Variants in GC observed in about 807,000 individuals in gnomAD.
GC encodes GC vitamin D binding protein, also known as vitamin D-binding protein.
GC carries 43 observed loss-of-function variants against 56.7 expected under a neutral mutation model. That is an observed-to-expected ratio of 0.76 (90% confidence interval 0.59 to 0.98). GC has a LOEUF of 0.98. GC is among the 50% of genes least tolerant of loss of function. The pLI, the probability that GC is intolerant of heterozygous loss-of-function variation, is 0.00. For synonymous variants in GC, 216 were observed against 202.7 expected (o/e 1.07, Z -0.56); for missense variants, 529 against 545.9 (o/e 0.97, Z 0.31).
chr4:71,793,862 T>C (rs889121555), intron 1 of GC, among the ~76,000 whole-genome samples: 2 of 152,232 alleles, frequency 1.3e-5, no homozygotes, highest in African/African-American at 4.8e-5. Flanking sequence ...GTTTTTAGCA[T>C]GAAGGGCTGT....
At chr4:71,802,602 A>C (rs762250486) in intron 1 of GC, among the ~76,000 whole-genome samples, 2 of 152,204 alleles carry the variant, frequency 1.3e-5, no homozygotes, top group Non-Finnish European at 2.9e-5. Context: ...GCCCATCCTA[A>C]AGTTGAAAAG....
chr4:71,761,803 C>T (rs1383342391), intron 6 of GC, among the ~76,000 whole-genome samples: 1 of 152,156 alleles, frequency 6.6e-6, no homozygotes, highest in East Asian at 1.9e-4. Flanking sequence ...TGGTGTTGAG[C>T]CTGCGGATGC....
At chr4:71,775,099 G>T (rs1343051936) in intron 1 of GC, among the ~76,000 whole-genome samples, 2 of 149,748 alleles carry the variant, frequency 1.3e-5, no homozygotes, top group Non-Finnish European at 1.5e-5. Context: ...AAGGTGAGCA[G>T]ATTGGTTGAA....
chr4:71,754,895 G>A, intron 9 of GC, 83 bp downstream of exon 9: 2 of 833,088 alleles, frequency 2.4e-6, no homozygotes, highest in Non-Finnish European at 1.8e-6. Context: ...AAAAAAGTAG[G>A]CAGTGAGCAA....
At chr4:71,788,219 A>G (rs545570258), upstream of GC, among the ~76,000 whole-genome samples, 26 of 152,048 alleles carry the variant, frequency 1.7e-4, 1 homozygote, top group South Asian at 3.7e-3. Flanking sequence ...AAATCCAGGT[A>G]TAATTTGAGT....
intron 1 of GC, among the ~76,000 whole-genome samples, chr4:71,773,102 T>C (rs141177628): frequency 1.3e-4 from 20 of 152,182 alleles, no homozygotes; most frequent in African/African-American, 4.1e-4. Flanking sequence ...AACTGTAAAA[T>C]TATACGCTCT....
chr4:71,748,717 G>A (rs2149293418), intron 11 of GC, among the ~76,000 whole-genome samples: 1 of 152,208 alleles, frequency 6.6e-6, no homozygotes, highest in Non-Finnish European at 1.5e-5. Context: ...GACATTGATT[G>A]TTCTATTTCC....
intron 6 of GC, among the ~76,000 whole-genome samples, chr4:71,760,251 A>T (rs796674710): frequency 3.4e-5 from 5 of 149,168 alleles, no homozygotes; most frequent in African/African-American, 9.9e-5. Flanking sequence ...ACGGGGTTTC[A>T]TCGTGTTAGC....
At position 71,783,140 on chromosome 4, in the gene GC, G is replaced by A. The variant is rs151055228; in HGVS notation, c.58+821C>T. Reference sequence around the variant, plus strand: ...ATTACTATTATGAATAATAATGTACGAATTAGGTGAGGCTGTTAACTGACA... The same window carrying A: ...ATTACTATTATGAATAATAATGTACAAATTAGGTGAGGCTGTTAACTGACA... On this transcript the variant is annotated intron_variant, in intron 1 of 12. Coordinates refer to ENST00000273951, the MANE Select transcript of GC (RefSeq NM_000583.4). Among the ~76,000 whole-genome samples, 647 of 151,816 alleles carry A rather than the reference G, an allele frequency of 4.3e-3. 2 individuals carry two copies. Among genetic ancestry groups the A allele is most frequent in the Non-Finnish European group, 7.5e-3 (507 of 67,792 alleles).
intron 1 of GC, among the ~76,000 whole-genome samples, chr4:71,794,722 C>T (rs1173420976): frequency 2.6e-5 from 4 of 152,006 alleles, no homozygotes; most frequent in African/African-American, 4.8e-5. Context: ...TTTGCTCTTG[C>T]TTCTCTAGTT....
chr4:71,791,930 CT>C (rs1742979112), intron 1 of GC, among the ~76,000 whole-genome samples: 2 of 152,222 alleles, frequency 1.3e-5, no homozygotes, highest in South Asian at 4.1e-4. Flanking sequence ...CTTTTCTGTC[CT>C]TGTGATAGTT....
At position 71,767,608 on chromosome 4, in the gene GC, G is replaced by GATAT. The variant is rs201548231; in HGVS notation, c.261+689_261+692dup. On this transcript the variant is annotated intron_variant, in intron 3 of 12. Transcript: ENST00000273951. Reference sequence around the variant, plus strand: ...AATTCTTTCAAGAGGTTCATGAGCTGATATATATATATATATTAAATTATA... The same window carrying GATAT: ...AATTCTTTCAAGAGGTTCATGAGCTGATATATATATATATATATATTAAATTATA... Among the ~76,000 whole-genome samples the GATAT allele has an allele frequency of 3.6e-3, 530 of 145,988 alleles. 3 individuals are homozygous for GATAT. The highest frequency in any genetic ancestry group is 0.011 in the African/African-American group (461 of 40,196).
At chr4:71,803,982 TG>T in exon 1 of GC, 1 of 1,367,766 alleles carries the variant, frequency 7.3e-7, no homozygotes, top group Non-Finnish European at 1.0e-6. Context: ...TCATCACCAG[TG>T]GTAGAATAGG....
intron 8 of GC, among the ~76,000 whole-genome samples, chr4:71,755,390 T>C (rs377233580): frequency 6.6e-6 from 1 of 152,066 alleles, no homozygotes; most frequent in African/African-American, 2.4e-5. Context: ...CTGGAACTTC[T>C]GACCTCAAGT....
At chr4:71,788,241 T>C (rs1173908820), upstream of GC, among the ~76,000 whole-genome samples, 1 of 151,930 alleles carries the variant, frequency 6.6e-6, no homozygotes, top group Non-Finnish European at 1.5e-5. Flanking sequence ...ATCATGGTTT[T>C]CATGAACCAG....
intron 1 of GC, among the ~76,000 whole-genome samples, chr4:71,789,930 A>G (rs1181860463): frequency 2.6e-5 from 4 of 151,968 alleles, no homozygotes; most frequent in Non-Finnish European, 4.4e-5. Flanking sequence ...CAGCCCCTAG[A>G]TGCTGGAAAG....
rs1578316778 is a variant in GC, at chr4:71,784,033, G to A, written c.-15C>T. 4 of 1,602,758 alleles carry A rather than the reference G, an allele frequency of 2.5e-6. No individual in the cohort carries two copies. Among genetic ancestry groups the A allele is most frequent in the Admixed American group, 1.7e-5 (1 of 59,100 alleles). On this transcript the variant is annotated 5_prime_UTR_variant, in exon 1 of 13. Coordinates refer to ENST00000273951, the MANE Select transcript of GC (RefSeq NM_000583.4). ...ACCCTCTTCATTTTTCTACCAGAGA[G>A]TCTTGCAGCACCTCCTCTCTCCTGT...
chr4:71,788,212 T>A (rs1396484401), upstream of GC, among the ~76,000 whole-genome samples: 3 of 151,768 alleles, frequency 2.0e-5, no homozygotes, highest in Admixed American at 2.0e-4. Flanking sequence ...CTCACTGAAA[T>A]CCAGGTATAA....
intron 1 of GC, among the ~76,000 whole-genome samples, chr4:71,789,545 T>G (rs1742922306): frequency 6.6e-6 from 1 of 151,952 alleles, no homozygotes; most frequent in Non-Finnish European, 1.5e-5. Context: ...ATCTAATAGA[T>G]TCTCTATACT....
Sources: allele counts gnomAD v4.1 joint callset (sites outside exome capture counted in the v4.1 genomes callset), GRCh38; gene constraint gnomAD v4.1.1; transcripts MANE v1.5; gene names NCBI Gene and HGNC (gene_info 2026-07-23, HGNC 2026-07-21).